Variants in LRBA observed in about 807,000 individuals in gnomAD.
LRBA encodes the protein LPS responsive beige-like anchor protein.
In LRBA, 176 loss-of-function variants were observed where a neutral mutation model predicts 330.0. That is an observed-to-expected ratio of 0.53 (90% CI 0.47 to 0.60). The LOEUF (loss-of-function observed/expected upper bound fraction) is 0.60. LRBA is among the 20% of genes least tolerant of loss of function. LRBA has a pLI of 0.00. For missense variants in LRBA, 3,259 were observed against 3,444.8 expected (o/e 0.95, Z 1.35); for synonymous variants, 1,230 against 1,193.0 (o/e 1.03, Z -0.64).
chr4:150,922,768 A>C (rs1186562713), intron 4 of LRBA, among the ~76,000 whole-genome samples: 1 of 151,320 alleles, frequency 6.6e-6, no homozygotes, highest in Non-Finnish European at 1.5e-5. Flanking sequence ...CTTATGGAAA[A>C]ATAAAATTAA....
intron 40 of LRBA, among the ~76,000 whole-genome samples, chr4:150,574,426 C>A (rs570141845): frequency 6.6e-6 from 1 of 152,018 alleles, no homozygotes; most frequent in African/African-American, 2.4e-5. Flanking sequence ...AAATTTTAGA[C>A]TTTTTTAACT....
Position 150,970,014 on chromosome 4 carries a change from G to A in LRBA, c.217-40949C>T, listed in dbSNP as rs114413547. Among the ~76,000 whole-genome samples the A allele has an allele frequency of 5.9e-3, 892 of 152,252 alleles. 11 individuals are homozygous for A. Among genetic ancestry groups the A allele is most frequent in the African/African-American group, 0.02 (834 of 41,548 alleles). On this transcript the variant is annotated intron_variant, in intron 2 of 56. Coordinates refer to ENST00000651943, the MANE Select transcript of LRBA (RefSeq NM_001364905.1). ...TCAGTCAATGGGGCAAAACTTCATTGTGGTCTGATTTTAACAACTTTTCAC... is the reference window on the plus strand; with the variant it reads ...TCAGTCAATGGGGCAAAACTTCATTATGGTCTGATTTTAACAACTTTTCAC...
chr4:150,685,387 AATATATATATAT>A lies in LRBA; in HGVS notation c.5755-1682_5755-1671del, dbSNP rs781582762. 3.7e-3 allele frequency among the ~76,000 whole-genome samples: 46 copies of A among 12,332 alleles called. 3 individuals carry two copies. The highest frequency in any genetic ancestry group is 0.016 in the South Asian group (3 of 184). 8.1% of individuals were successfully genotyped at this position (12,332 alleles called of 152,430 possible). ...GTATATGTACATGCATAAGGAATCA[AATATATATATAT>A]ATATATATATATATATATATATTTT... On this transcript the variant is annotated intron_variant, in intron 36 of 56. Transcript: ENST00000651943.
At chr4:151,010,788 G>A (rs529838140) in intron 2 of LRBA, among the ~76,000 whole-genome samples, 1 of 151,830 alleles carries the variant, frequency 6.6e-6, no homozygotes, top group East Asian at 1.9e-4. Flanking sequence ...GGAGGCTGAG[G>A]CACAAGAATT....
chr4:150,983,354 T>A (rs1199573251), intron 2 of LRBA, among the ~76,000 whole-genome samples: 1 of 151,900 alleles, frequency 6.6e-6, no homozygotes, highest in East Asian at 1.9e-4. Context: ...ACTGAGGAAG[T>A]TGAGGCAGAA....
At chr4:150,830,583 C>G (rs1327490333) in intron 29 of LRBA, among the ~76,000 whole-genome samples, 1 of 151,932 alleles carries the variant, frequency 6.6e-6, no homozygotes, top group East Asian at 1.9e-4. Flanking sequence ...AGGGATAAAC[C>G]ATGCCCACCG....
At chr4:150,302,892 G>A (rs1252635428) in intron 52 of LRBA, 100 bp from the exon 53 acceptor site, 2 of 763,646 alleles carry the variant, frequency 2.6e-6, no homozygotes, top group Non-Finnish European at 4.0e-6. Flanking sequence ...GAACTCTGAT[G>A]GTCATAATTC....
At chr4:150,967,663 C>A (rs923567062) in intron 2 of LRBA, among the ~76,000 whole-genome samples, 1 of 152,154 alleles carries the variant, frequency 6.6e-6, no homozygotes, top group Non-Finnish European at 1.5e-5. Context: ...ACCATTTTTC[C>A]AACAGCATGT....
chr4:151,012,632 A>C (rs889024326), intron 2 of LRBA, among the ~76,000 whole-genome samples: 2 of 152,188 alleles, frequency 1.3e-5, no homozygotes, highest in Non-Finnish European at 2.9e-5. Flanking sequence ...TGCACAACGG[A>C]TACCAGAGTT....
intron 56 of LRBA, 104 bp downstream of exon 56, chr4:150,277,749 G>T: frequency 2.6e-6 from 3 of 1,160,762 alleles, no homozygotes; most frequent in East Asian, 4.8e-5. Flanking sequence ...TGATTCTCCT[G>T]CCTCAGCCTC....
At chr4:150,897,476 T>G (rs995600724) in intron 15 of LRBA, among the ~76,000 whole-genome samples, 1 of 151,994 alleles carries the variant, frequency 6.6e-6, no homozygotes, top group African/African-American at 2.4e-5. Context: ...ATAGTAAATA[T>G]TTGCTGAATG....
chr4:150,303,717 C>A (rs1380996731), intron 52 of LRBA, among the ~76,000 whole-genome samples: 1 of 152,026 alleles, frequency 6.6e-6, no homozygotes, highest in Non-Finnish European at 1.5e-5. Flanking sequence ...ACTACAGGCA[C>A]CCACCACCAC....
chr4:150,460,332 C>T (rs1754608927), intron 44 of LRBA, among the ~76,000 whole-genome samples: 1 of 151,592 alleles, frequency 6.6e-6, no homozygotes, highest in East Asian at 1.9e-4. Flanking sequence ...AAAAAAATCA[C>T]TTACTTTTCC....
chr4:150,960,676 C>T (rs926271505), intron 2 of LRBA, among the ~76,000 whole-genome samples: 2 of 148,860 alleles, frequency 1.3e-5, no homozygotes, highest in Non-Finnish European at 2.9e-5. Flanking sequence ...TCTTGACCTA[C>T]ATGGTGGTTT....
chr4:150,723,094 G>T (rs1729148046), intron 36 of LRBA, among the ~76,000 whole-genome samples: 1 of 152,082 alleles, frequency 6.6e-6, no homozygotes, highest in Non-Finnish European at 1.5e-5. Context: ...AAGTACACTG[G>T]GTTCCTAGAT....
intron 36 of LRBA, among the ~76,000 whole-genome samples, chr4:150,732,673 T>A (rs1730620271): frequency 6.6e-6 from 1 of 152,056 alleles, no homozygotes; most frequent in South Asian, 2.1e-4. Flanking sequence ...TAATCATTTA[T>A]CAGTCATAGG....
chr4:150,377,827 A>G (rs1428467037), intron 47 of LRBA, among the ~76,000 whole-genome samples: 1 of 151,938 alleles, frequency 6.6e-6, no homozygotes, highest in Non-Finnish European at 1.5e-5. Flanking sequence ...CTCTACTAAA[A>G]ATACAAAAAA....
intron 40 of LRBA, among the ~76,000 whole-genome samples, chr4:150,496,317 T>C (rs1245517922): frequency 6.6e-6 from 1 of 152,066 alleles, no homozygotes; most frequent in African/African-American, 2.4e-5. Flanking sequence ...TATAAGTTTA[T>C]CCAAATAAAA....
chr4:150,812,861 T>C (rs774186151), intron 31 of LRBA, among the ~76,000 whole-genome samples: 10 of 152,178 alleles, frequency 6.6e-5, no homozygotes, highest in Non-Finnish European at 1.5e-4. Context: ...CTTTGCAATA[T>C]AGAGAAACAG....
Sources: allele counts gnomAD v4.1 joint callset (sites outside exome capture counted in the v4.1 genomes callset), GRCh38; gene constraint gnomAD v4.1.1; transcripts MANE v1.5; gene names NCBI Gene and HGNC (gene_info 2026-07-23, HGNC 2026-07-21).